The following RBFOX1 variants were observed in gnomAD, a reference collection of about 807,000 sequenced individuals.
The protein encoded by RBFOX1 is RNA binding protein fox-1 homolog 1.
A neutral mutation model predicts 57.7 loss-of-function variants in RBFOX1; 8 were observed. The ratio of observed to expected loss-of-function variants is 0.14; its 90% CI spans 0.08 to 0.25. RBFOX1 has a LOEUF of 0.25. Ranked by LOEUF, RBFOX1 falls within the 10% of genes least tolerant of loss-of-function variation. The probability of loss-of-function intolerance (pLI) is 1.00; values close to 1 mark genes in which losing one functional copy is unlikely to be tolerated. For synonymous variants in RBFOX1, 326 were observed against 222.4 expected (o/e 1.47, Z -4.15); for missense variants, 611 against 548.5 (o/e 1.11, Z -1.14).
chr16:7,138,232 A>C (rs184344600), intron 4 of RBFOX1, among the ~76,000 whole-genome samples: 14 of 152,242 alleles, frequency 9.2e-5, no homozygotes, highest in African/African-American at 3.4e-4. Flanking sequence ...TGAAGTCATG[A>C]GAGATGGTAA....
intron 3 of RBFOX1, among the ~76,000 whole-genome samples, chr16:6,755,719 T>C (rs1007774570): frequency 1.3e-5 from 2 of 152,168 alleles, no homozygotes; most frequent in African/African-American, 4.8e-5. Context: ...GAGTATGATT[T>C]CCCTGTTATT....
At chr16:7,176,059 A>G (rs911724285) in intron 4 of RBFOX1, among the ~76,000 whole-genome samples, 3 of 151,936 alleles carry the variant, frequency 2.0e-5, no homozygotes, top group South Asian at 2.1e-4. Flanking sequence ...ACCTCAGCCA[A>G]TAGCAGTCTC....
At chr16:6,434,050 G>A (rs369863983) in intron 2 of RBFOX1, among the ~76,000 whole-genome samples, 2 of 151,912 alleles carry the variant, frequency 1.3e-5, no homozygotes, top group African/African-American at 4.8e-5. Flanking sequence ...GCTTCACCAT[G>A]TTGGTCAGGC....
At chr16:6,988,469 G>A (rs2090764994) in intron 3 of RBFOX1, among the ~76,000 whole-genome samples, 2 of 152,086 alleles carry the variant, frequency 1.3e-5, no homozygotes, top group African/African-American at 2.4e-5. Context: ...AAAGTCGATT[G>A]CCTGTTGTGA....
chr16:7,064,230 G>A (rs538535084), intron 4 of RBFOX1, among the ~76,000 whole-genome samples: 5 of 145,836 alleles, frequency 3.4e-5, no homozygotes, highest in African/African-American at 7.7e-5. Context: ...GTGCAGTGGC[G>A]TGATCTCTGC....
chr16:6,948,634 G>A lies in RBFOX1; in HGVS notation c.-15-103423G>A, dbSNP rs12598947. ...TGACTTCAAATGATCTGCTCGCCTT[G>A]GCCTCCCAAAGTGCTGGGATTACAA... On this transcript the variant is annotated intron_variant, in intron 3 of 15. Coordinates refer to ENST00000550418, the MANE Select transcript of RBFOX1 (RefSeq NM_018723.4). Among the ~76,000 whole-genome samples the A allele has an allele frequency of 4.0e-5, 6 of 151,758 alleles. No homozygotes were observed. In the East Asian group the frequency reaches 5.8e-4, roughly 15 times the overall value.
At chr16:5,903,786 G>A (rs2058371108) in intron 4 of RBFOX1, among the ~76,000 whole-genome samples, 1 of 152,076 alleles carries the variant, frequency 6.6e-6, no homozygotes. Flanking sequence ...ATGTTTCTGT[G>A]TGCCCCAGGA....
chr16:6,721,363 A>T (rs931248851), intron 3 of RBFOX1, among the ~76,000 whole-genome samples: 1 of 152,176 alleles, frequency 6.6e-6, no homozygotes, highest in Non-Finnish European at 1.5e-5. Flanking sequence ...GAATCACTTG[A>T]ACCCGGGAGG....
chr16:5,454,911 T>TTCCTTCC (rs1286160978), intron 1 of RBFOX1, among the ~76,000 whole-genome samples: 6 of 94,376 alleles, frequency 6.4e-5, no homozygotes, highest in African/African-American at 1.3e-4. Flanking sequence ...TCTTTCTTTC[T>TTCCTTCC]TTCCTTTGTT....
intron 4 of RBFOX1, among the ~76,000 whole-genome samples, chr16:5,871,001 C>G (rs771047746): frequency 9.2e-5 from 14 of 152,160 alleles, no homozygotes; most frequent in Non-Finnish European, 2.1e-4. Context: ...GTGGCTTTGC[C>G]AGTTCCCTTT....
chr16:7,408,907 G>C lies in RBFOX1; in HGVS notation c.28-109240G>C, dbSNP rs2098390652. 2.0e-5 allele frequency among the ~76,000 whole-genome samples: 3 copies of C among 152,148 alleles called. No homozygotes were observed. The South Asian group carries it at 6.2e-4, about 32-fold the overall frequency. ...ACCATTGTTCTAGAGGTATGGTGTT[G>C]GAAGCGCTTGGCACCTTTCATGTAA... is the stretch of plus-strand genomic sequence containing the variant. On this transcript the variant is annotated intron_variant, in intron 4 of 15. Coordinates refer to ENST00000550418, the MANE Select transcript of RBFOX1 (RefSeq NM_018723.4).
At chr16:6,814,067 C>T (rs539080832) in intron 3 of RBFOX1, among the ~76,000 whole-genome samples, 1 of 152,202 alleles carries the variant, frequency 6.6e-6, no homozygotes, top group East Asian at 1.9e-4. Context: ...GAGTGAAAAG[C>T]AGATGTATAA....
chr16:7,408,974 C>A (rs764982501), intron 4 of RBFOX1, among the ~76,000 whole-genome samples: 1 of 152,174 alleles, frequency 6.6e-6, no homozygotes, highest in Non-Finnish European at 1.5e-5. Context: ...TTCTTCTTTT[C>A]TTTTTGCATC....
At chr16:6,971,133 A>G (rs910609059) in intron 3 of RBFOX1, among the ~76,000 whole-genome samples, 2 of 152,186 alleles carry the variant, frequency 1.3e-5, no homozygotes, top group Non-Finnish European at 2.9e-5. Context: ...ACATTTGACA[A>G]TTGAGTGGGT....
intron 4 of RBFOX1, among the ~76,000 whole-genome samples, chr16:5,929,832 C>A (rs936236428): frequency 6.8e-5 from 10 of 146,312 alleles, no homozygotes; most frequent in Non-Finnish European, 1.5e-5. Context: ...AGGGAGTAGG[C>A]TAGAAGGTAA....
At chr16:5,250,786 G>A (rs2062431801) in intron 1 of RBFOX1, among the ~76,000 whole-genome samples, 1 of 152,172 alleles carries the variant, frequency 6.6e-6, no homozygotes, top group African/African-American at 2.4e-5. Context: ...CGATACGTCT[G>A]TGGATGGTTT....
At chr16:7,116,681 A>C (rs1366856548) in intron 4 of RBFOX1, among the ~76,000 whole-genome samples, 1 of 152,190 alleles carries the variant, frequency 6.6e-6, no homozygotes, top group African/African-American at 2.4e-5. Context: ...CAGTGAAGCT[A>C]CCATTAGATT....
At chr16:7,495,843 A>T (rs2068454284) in intron 4 of RBFOX1, among the ~76,000 whole-genome samples, 1 of 152,226 alleles carries the variant, frequency 6.6e-6, no homozygotes, top group Admixed American at 6.5e-5. Context: ...TGTTCCCCAA[A>T]AACCAATTGA....
chr16:6,821,868 G>C (rs148454571), intron 3 of RBFOX1, among the ~76,000 whole-genome samples: 1 of 152,086 alleles, frequency 6.6e-6, no homozygotes, highest in Non-Finnish European at 1.5e-5. Context: ...CAATTTTTGT[G>C]GGTATATACC....
Sources: gnomAD v4.1 joint callset for allele counts (sites outside exome capture counted in the v4.1 genomes callset) on GRCh38, gnomAD v4.1.1 for gene constraint, MANE v1.5 for transcripts, NCBI Gene and HGNC (gene_info 2026-07-23, HGNC 2026-07-21) for gene names.